The following FKBP5 variants were observed in gnomAD, a reference collection of about 807,000 sequenced individuals.
The protein encoded by FKBP5 is FKBP prolyl isomerase 5.
Under a neutral mutation model 50.5 loss-of-function variants are expected in FKBP5, and 23 were observed. That is an observed-to-expected ratio of 0.46 (90% CI 0.33 to 0.65). The LOEUF (loss-of-function observed/expected upper bound fraction) is 0.65, where lower values mean the gene tolerates loss of function less well. Among genes scored for constraint, FKBP5 ranks in the 30% least tolerant of loss-of-function variants. The pLI is 0.02. For missense variants in FKBP5, 411 were observed against 553.1 expected, an observed-to-expected ratio of 0.74 and a Z score of 2.58; for synonymous variants, 176 against 190.6, an observed-to-expected ratio of 0.92 and a Z score of 0.63.
rs1302887288 is a variant in FKBP5, at chr6:35,658,707, A to T, written c.-19-15864T>A. On this transcript the variant is annotated intron_variant, in intron 1 of 10. Transcript: ENST00000357266. ...TAAACCAACCTTGGATACCTGGAAT[A>T]AACCCTATTTGGTCACTGTATTTTA... Among the ~76,000 whole-genome samples, 8 of 20,850 alleles carry T rather than the reference A, an allele frequency of 3.8e-4. 1 individual carries two copies. The highest frequency in any genetic ancestry group is 3.3e-3 in the South Asian group (2 of 602). 13.7% of individuals were successfully genotyped at this position (20,850 alleles called of 152,430 possible).
intron 3 of FKBP5, among the ~76,000 whole-genome samples, chr6:35,628,715 GTTTT>G (rs1764068244): frequency 6.6e-6 from 1 of 151,914 alleles, no homozygotes; most frequent in Admixed American, 6.6e-5. Context: ...TATATTTTAG[GTTTT>G]TTTGTTTTTG....
intron 1 of FKBP5, among the ~76,000 whole-genome samples, chr6:35,688,544 G>A (rs2151014532): frequency 6.6e-6 from 1 of 151,292 alleles, no homozygotes. Context: ...ACTAGTCTCC[G>A]CGCCTCCCGC....
In FKBP5 at chr6:35,575,099, C is replaced by T. The variant is rs1443091728; in HGVS notation, c.*736G>A. 1 of 152,196 alleles carries T rather than the reference C, an allele frequency of 6.6e-6. No homozygotes were observed. The highest frequency in any genetic ancestry group is 1.5e-5 in the Non-Finnish European group (1 of 68,046). 9.4% of individuals were successfully genotyped at this position (152,196 alleles called of 1,614,324 possible). A position where few individuals can be genotyped will look rare whatever the true frequency, so the allele number is the denominator to read the frequency against. ...AATAGGAAAAGCTAATCCAGAAACT[C>T]TCATCTGCTCATTATCATTGCTGAA... On this transcript the variant is annotated 3_prime_UTR_variant, in exon 11 of 11. Coordinates refer to ENST00000357266, the MANE Select transcript of FKBP5 (RefSeq NM_004117.4).
chr6:35,693,154 T>C (rs62402146), upstream of FKBP5, among the ~76,000 whole-genome samples: 3 of 111,622 alleles, frequency 2.7e-5, no homozygotes, highest in Non-Finnish European at 5.7e-5. Flanking sequence ...CTTTTTCTTT[T>C]CTCTCTCTCT....
intron 2 of FKBP5, among the ~76,000 whole-genome samples, chr6:35,716,957 G>T (rs941101827): frequency 3.9e-5 from 6 of 152,322 alleles, no homozygotes; most frequent in African/African-American, 1.4e-4. Flanking sequence ...GGGCTAGAGG[G>T]AGGAGTGTGG....
chr6:35,589,415 C>A (rs1762745038), intron 7 of FKBP5, among the ~76,000 whole-genome samples: 1 of 152,104 alleles, frequency 6.6e-6, no homozygotes, highest in African/African-American at 2.4e-5. Context: ...AGGCGTGAGC[C>A]ACAGCGCCCA....
At position 35,710,535 on chromosome 6, in the gene FKBP5, GA is replaced by G. The variant is rs561937200; in HGVS notation, c.-20+9792del. On this transcript the variant is annotated intron_variant, in intron 2 of 11. Transcript: ENST00000536438. ...AGCTGGTCAAAATGTGGAACAGTTGGAACTGTCATACTTTGCTGGTGAGAAC... is the reference window on the plus strand; with the variant it reads ...AGCTGGTCAAAATGTGGAACAGTTGGACTGTCATACTTTGCTGGTGAGAAC... Among the ~76,000 whole-genome samples, 608 of 152,254 alleles carry G rather than the reference GA, an allele frequency of 4.0e-3. 4 individuals are homozygous for G. The highest frequency in any genetic ancestry group is 0.014 in the African/African-American group (586 of 41,542).
intron 1 of FKBP5, among the ~76,000 whole-genome samples, chr6:35,667,047 GTGTGTGTGTGTA>G (rs907656374): frequency 6.9e-6 from 1 of 144,200 alleles, no homozygotes; most frequent in African/African-American, 2.7e-5. Flanking sequence ...GTGTGTGTGT[GTGTGTGTGTGTA>G]TACATAGATG....
intron 9 of FKBP5, among the ~76,000 whole-genome samples, chr6:35,577,947 G>A (rs1005612037): frequency 6.6e-6 from 1 of 151,624 alleles, no homozygotes; most frequent in African/African-American, 2.4e-5. Context: ...CCAGCTACTT[G>A]GGAGGCTGAG....
rs931153071 is a variant in FKBP5, at chr6:35,664,380, A to G, written c.-19-21537T>C. The stretch of plus-strand genomic sequence containing the variant: ...CATATGACACCAAAAACTACCCAAG[A>G]CCCTTTTTCCGTTACCATATTCAAT... On this transcript the variant is annotated intron_variant, in intron 1 of 10. Transcript: ENST00000357266. Among the ~76,000 whole-genome samples, 5 of 152,072 alleles carry G rather than the reference A, an allele frequency of 3.3e-5. No homozygotes were observed. The East Asian group carries it at 9.6e-4, about 29-fold the overall frequency.
rs1034829522 is a variant in FKBP5 at position 35,614,940 on chromosome 6, T to C, written c.508+4156A>G. ...GAGTTCGAGACCAGCCTGGCCAACA[T>C]GGTGAAATCCCATCTCTACTGAAAA... On this transcript the variant is annotated intron_variant, in intron 5 of 10. Coordinates refer to ENST00000357266, the MANE Select transcript of FKBP5 (RefSeq NM_004117.4). 9.3e-4 allele frequency among the ~76,000 whole-genome samples: 141 copies of C among 152,054 alleles called. 1 individual carries two copies. The highest frequency in any genetic ancestry group is 3.3e-3 in the African/African-American group (135 of 41,484).
chr6:35,717,355 T>C (rs185232139), intron 2 of FKBP5, among the ~76,000 whole-genome samples: 14 of 152,234 alleles, frequency 9.2e-5, no homozygotes, highest in African/African-American at 3.4e-4. Context: ...TGTGCGCCCA[T>C]GTGTGTGCAC....
intron 5 of FKBP5, among the ~76,000 whole-genome samples, chr6:35,616,957 G>C (rs911998984): frequency 3.3e-5 from 5 of 151,632 alleles, no homozygotes; most frequent in African/African-American, 9.7e-5. Context: ...TGGAGTTTTA[G>C]GGCTAGTAGG....
chr6:35,690,061 A>G (rs770470839), upstream of FKBP5, among the ~76,000 whole-genome samples: 15 of 152,246 alleles, frequency 9.9e-5, no homozygotes, highest in Non-Finnish European at 2.1e-4. Flanking sequence ...CTAATATCCC[A>G]TAGCCAGATT....
At chr6:35,591,623 A>T (rs1001682899) in intron 6 of FKBP5, among the ~76,000 whole-genome samples, 7 of 152,110 alleles carry the variant, frequency 4.6e-5, no homozygotes, top group African/African-American at 1.4e-4. Flanking sequence ...GAGAAGACAC[A>T]GCCACTGTAA....
chr6:35,655,636 G>A (rs371634197), intron 1 of FKBP5, among the ~76,000 whole-genome samples: 1 of 152,102 alleles, frequency 6.6e-6, no homozygotes, highest in African/African-American at 2.4e-5. Flanking sequence ...AGATGATCAC[G>A]ATTTTCAAAA....
chr6:35,698,604 G>C (rs763740033), intron 2 of FKBP5, among the ~76,000 whole-genome samples: 3 of 151,862 alleles, frequency 2.0e-5, no homozygotes, highest in Non-Finnish European at 4.4e-5. Flanking sequence ...CCAAGATTGC[G>C]CCACTGCATT....
chr6:35,687,908 C>G (rs561980843), intron 1 of FKBP5, among the ~76,000 whole-genome samples: 1 of 152,362 alleles, frequency 6.6e-6, no homozygotes, highest in East Asian at 1.9e-4. Context: ...GAAAGCCACT[C>G]TGCACCCTGA....
intron 5 of FKBP5, among the ~76,000 whole-genome samples, chr6:35,616,995 G>C (rs1763679553): frequency 6.6e-6 from 1 of 151,682 alleles, no homozygotes. Flanking sequence ...GTTCAAGCTT[G>C]CCTCACTGCA....
Sources: gnomAD v4.1 joint callset for allele counts (sites outside exome capture counted in the v4.1 genomes callset) on GRCh38, gnomAD v4.1.1 for gene constraint, MANE v1.5 for transcripts, NCBI Gene and HGNC (gene_info 2026-07-23, HGNC 2026-07-21) for gene names.